CNTNAP2: variants seen among roughly 807,000 people sequenced by gnomAD.
The protein encoded by CNTNAP2 is contactin associated protein 2, also known as contactin-associated protein-like 2.
CNTNAP2 carries 98 observed loss-of-function variants against 155.2 expected under a neutral mutation model. The ratio of observed to expected loss-of-function variants is 0.63; its 90% confidence interval spans 0.54 to 0.75. CNTNAP2 has a LOEUF of 0.75. Ranked by LOEUF, CNTNAP2 falls within the 30% of genes least tolerant of loss-of-function variation. The pLI, the probability that CNTNAP2 is intolerant of heterozygous loss-of-function variation, is 0.00. For synonymous variants in CNTNAP2, 651 were observed against 631.2 expected (o/e 1.03, Z -0.47); for missense variants, 1,727 against 1,688.1 (o/e 1.02, Z -0.40).
At chr7:146,711,265 TATATA>T (rs1188259469) in intron 1 of CNTNAP2, among the ~76,000 whole-genome samples, 8 of 146,912 alleles carry the variant, frequency 5.4e-5, no homozygotes, top group African/African-American at 4.9e-5. Flanking sequence ...TACATATAAA[TATATA>T]ATATATAATA....
intron 15 of CNTNAP2, among the ~76,000 whole-genome samples, chr7:148,062,627 G>A (rs957220629): frequency 2.0e-5 from 3 of 151,882 alleles, no homozygotes; most frequent in Admixed American, 2.0e-4. Context: ...TCTAGGGGAA[G>A]GTATCTTAAA....
chr7:147,582,572 A>G (rs1238658618), intron 12 of CNTNAP2, among the ~76,000 whole-genome samples: 1 of 152,190 alleles, frequency 6.6e-6, no homozygotes, highest in Non-Finnish European at 1.5e-5. Context: ...GAGTATTTGA[A>G]TGAATAAATC....
At chr7:147,177,126 T>C (rs978926791) in intron 8 of CNTNAP2, among the ~76,000 whole-genome samples, 5 of 151,072 alleles carry the variant, frequency 3.3e-5, no homozygotes, top group Non-Finnish European at 7.4e-5. Context: ...TCTATCTCTT[T>C]CTGTGTCATT....
At position 146,668,275 on chromosome 7, in the gene CNTNAP2, G is replaced by T. The variant is rs28794194; in HGVS notation, c.98-105996G>T. 2.0e-3 allele frequency among the ~76,000 whole-genome samples: 297 copies of T among 152,090 alleles called. 2 individuals carry two copies. The highest frequency in any genetic ancestry group is 6.8e-3 in the African/African-American group (282 of 41,502). On this transcript the variant is annotated intron_variant, in intron 1 of 23. Transcript: ENST00000361727. ...ATTGATTTAATGTATGATGTTTATT[G>T]ATTTGTGTATATTAAACCATCCTCA...
intron 15 of CNTNAP2, among the ~76,000 whole-genome samples, chr7:148,002,779 T>G (rs1463463880): frequency 6.6e-6 from 1 of 152,200 alleles, no homozygotes; most frequent in African/African-American, 2.4e-5. Context: ...GTGGATCTGA[T>G]TCATCTCTGT....
chr7:147,128,866 C>G (rs754531021), intron 7 of CNTNAP2, 30 bp downstream of exon 7: 1 of 1,613,246 alleles, frequency 6.2e-7, no homozygotes, highest in Non-Finnish European at 8.5e-7. Context: ...AAATATTGGT[C>G]TATAAAATAT....
intron 16 of CNTNAP2, among the ~76,000 whole-genome samples, chr7:148,119,391 G>A (rs1804550468): frequency 6.6e-6 from 1 of 151,874 alleles, no homozygotes; most frequent in Non-Finnish European, 1.5e-5. Context: ...TTAGCCAGGT[G>A]TGGTGGCGGG....
intron 3 of CNTNAP2, among the ~76,000 whole-genome samples, chr7:147,001,054 T>C (rs187903450): frequency 8.5e-5 from 13 of 152,196 alleles, no homozygotes; most frequent in Admixed American, 7.9e-4. Flanking sequence ...TACGATTGCT[T>C]ACCTCTCTTT....
chr7:147,106,953 C>T (rs182207370), intron 4 of CNTNAP2, among the ~76,000 whole-genome samples: 1 of 152,256 alleles, frequency 6.6e-6, no homozygotes, highest in East Asian at 1.9e-4. Context: ...AGGCTTTAAA[C>T]TGGCTATTAT....
rs757136036 is a variant in CNTNAP2 at position 146,288,793 on chromosome 7, A to ATTTT, written c.97+171846_97+171849dup. On this transcript the variant is annotated intron_variant, in intron 1 of 23. Coordinates refer to ENST00000361727, the MANE Select transcript of CNTNAP2 (RefSeq NM_014141.6). The stretch of plus-strand genomic sequence containing the variant: ...GGCAAAGGGTAGAGTAAAATTAGTA[A>ATTTT]TTTTTTTTTTTTTTTTTTTTTTTTT... Among the ~76,000 whole-genome samples the ATTTT allele has an allele frequency of 2.2e-3, 217 of 100,040 alleles. 16 individuals carry two copies. The highest frequency in any genetic ancestry group is 0.01 in the African/African-American group (188 of 18,520). The allele number at this position is 100,040 out of a possible 152,430, so 65.6% of individuals were successfully genotyped here. A position where few individuals can be genotyped will look rare whatever the true frequency, so the allele number is the denominator to read the frequency against.
chr7:147,330,668 C>A (rs1260653288), intron 9 of CNTNAP2, among the ~76,000 whole-genome samples: 1 of 152,142 alleles, frequency 6.6e-6, no homozygotes, highest in Admixed American at 6.6e-5. Context: ...TTATAACATC[C>A]TTCTTTTTGC....
At chr7:147,407,441 C>T in intron 10 of CNTNAP2, among the ~76,000 whole-genome samples, 2 of 137,818 alleles carry the variant, frequency 1.5e-5, no homozygotes, top group East Asian at 2.3e-4. Flanking sequence ...GCACTCCAGC[C>T]TGGGCAACAG....
intron 7 of CNTNAP2, 53 bp from the exon 8 acceptor site, chr7:147,132,192 G>A: frequency 6.2e-7 from 1 of 1,606,660 alleles, no homozygotes; most frequent in East Asian, 2.2e-5. Context: ...GGTCTGACAT[G>A]GATGTTCATT....
rs140372683 is a variant in CNTNAP2, at chr7:146,880,338, C to T, written c.402+40434C>T. ...CTTTATGCTCTCTCTTTCTGCCATT[C>T]GAAGAACACCAAGAAGGTAGCCACC... On this transcript the variant is annotated intron_variant, in intron 3 of 23. Coordinates refer to ENST00000361727, the MANE Select transcript of CNTNAP2 (RefSeq NM_014141.6). Among the ~76,000 whole-genome samples, 73 of 151,978 alleles carry T rather than the reference C, an allele frequency of 4.8e-4. 1 individual carries two copies. Among genetic ancestry groups the T allele is most frequent in the African/African-American group, 1.7e-3 (71 of 41,488 alleles).
intron 1 of CNTNAP2, among the ~76,000 whole-genome samples, chr7:146,752,330 A>G (rs11976523): frequency 0.045 from 6,889 of 152,230 alleles, 182 homozygotes; most frequent in East Asian, 0.1. Context: ...GACTGGCATG[A>G]GGTGGCATCT....
At chr7:147,526,797 G>C (rs550574517) in intron 11 of CNTNAP2, among the ~76,000 whole-genome samples, 1 of 152,038 alleles carries the variant, frequency 6.6e-6, no homozygotes, top group African/African-American at 2.4e-5. Flanking sequence ...CTCTTCCACC[G>C]GTATGTCAAG....
intron 1 of CNTNAP2, among the ~76,000 whole-genome samples, chr7:146,255,082 G>C (rs1799817828): frequency 6.6e-6 from 1 of 152,080 alleles, no homozygotes; most frequent in South Asian, 2.1e-4. Context: ...GAATAATTCA[G>C]ATCTCAACCA....
chr7:147,033,435 C>A (rs1192390225), intron 3 of CNTNAP2, among the ~76,000 whole-genome samples: 2 of 151,512 alleles, frequency 1.3e-5, no homozygotes, highest in East Asian at 3.9e-4. Context: ...ACGACATCCC[C>A]CTACAACTAG....
chr7:147,353,575 T>C, intron 9 of CNTNAP2, among the ~76,000 whole-genome samples: 1 of 152,174 alleles, frequency 6.6e-6, no homozygotes, highest in Admixed American at 6.5e-5. Flanking sequence ...GTTCCAAGTC[T>C]TTGCTATTAT....
Sources: gnomAD v4.1 joint callset for allele counts (sites outside exome capture counted in the v4.1 genomes callset) on GRCh38, gnomAD v4.1.1 for gene constraint, MANE v1.5 for transcripts, NCBI Gene and HGNC (gene_info 2026-07-23, HGNC 2026-07-21) for gene names.